EYA4: variants seen among roughly 807,000 people sequenced by gnomAD.
EYA4 encodes the protein EYA transcriptional coactivator and phosphatase 4.
EYA4 carries 31 observed loss-of-function variants against 87.9 expected under a neutral mutation model. That is an observed-to-expected ratio of 0.35 (90% CI 0.27 to 0.48). The LOEUF is 0.48. Ranked by LOEUF, EYA4 falls within the 20% of genes least tolerant of loss-of-function variation. The pLI is 0.99. For synonymous variants in EYA4, 263 were observed against 270.6 expected, an observed-to-expected ratio of 0.97 and a Z score of 0.28; for missense variants, 678 against 761.4, an observed-to-expected ratio of 0.89 and a Z score of 1.29.
chr6:133,435,053 A>C (rs1032445076), intron 3 of EYA4: 1 of 152,224 alleles, frequency 6.6e-6, no homozygotes, highest in African/African-American at 2.4e-5. Context: ...GGGACTTTTA[A>C]AAACAAAAAT....
intron 2 of EYA4, among the ~76,000 whole-genome samples, chr6:133,364,007 C>T (rs759405926): frequency 3.6e-4 from 55 of 152,328 alleles, no homozygotes; most frequent in Middle Eastern, 3.4e-3. Context: ...GCCTGCCTCA[C>T]TTATGGATCA....
chr6:133,508,648 T>C (rs1330912301), intron 14 of EYA4, among the ~76,000 whole-genome samples: 2 of 152,180 alleles, frequency 1.3e-5, no homozygotes, highest in African/African-American at 4.8e-5. Flanking sequence ...ATAAATTTGC[T>C]ACCCAACTTT....
intron 2 of EYA4, among the ~76,000 whole-genome samples, chr6:133,331,319 T>C (rs1781942090): frequency 6.6e-6 from 1 of 152,138 alleles, no homozygotes; most frequent in South Asian, 2.1e-4. Context: ...GGATAATGCA[T>C]AGTAGTGATC....
chr6:133,253,261 A>G (rs1775068244), intron 1 of EYA4, among the ~76,000 whole-genome samples: 1 of 152,098 alleles, frequency 6.6e-6, no homozygotes, highest in African/African-American at 2.4e-5. Flanking sequence ...GTTCTGCTTC[A>G]TTCATGGACA....
chr6:133,412,930 A>G (rs1789368947), intron 3 of EYA4, among the ~76,000 whole-genome samples: 1 of 152,186 alleles, frequency 6.6e-6, no homozygotes, highest in East Asian at 1.9e-4. Context: ...GACAGGGAGA[A>G]CAAGCCTGCA....
chr6:133,278,740 T>C (rs890757086), intron 2 of EYA4, among the ~76,000 whole-genome samples: 1 of 152,220 alleles, frequency 6.6e-6, no homozygotes, highest in African/African-American at 2.4e-5. Context: ...CTATTTGGCA[T>C]TCTGGCTTAG....
chr6:133,468,953 T>A (rs1255286005), intron 11 of EYA4, among the ~76,000 whole-genome samples: 4 of 152,080 alleles, frequency 2.6e-5, no homozygotes, highest in Non-Finnish European at 5.9e-5. Flanking sequence ...TAAATGATGG[T>A]GTACATATGA....
chr6:133,397,859 A>G (rs1165689889), intron 3 of EYA4, among the ~76,000 whole-genome samples: 1 of 152,196 alleles, frequency 6.6e-6, no homozygotes, highest in Non-Finnish European at 1.5e-5. Flanking sequence ...AGACTTATTC[A>G]CTATCACAAG....
intron 13 of EYA4, among the ~76,000 whole-genome samples, chr6:133,493,026 C>G (rs1441179564): frequency 2.6e-5 from 4 of 152,026 alleles, no homozygotes; most frequent in African/African-American, 9.7e-5. Context: ...TCCGTTTTAC[C>G]TGAAGCAATC....
At chr6:133,315,078 C>A (rs763169461) in intron 2 of EYA4, among the ~76,000 whole-genome samples, 1 of 152,138 alleles carries the variant, frequency 6.6e-6, no homozygotes, top group Non-Finnish European at 1.5e-5. Flanking sequence ...GAAATTCACC[C>A]GCATGGAACG....
intron 2 of EYA4, among the ~76,000 whole-genome samples, chr6:133,337,067 G>A (rs746931320): frequency 2.6e-5 from 4 of 152,200 alleles, no homozygotes; most frequent in Non-Finnish European, 5.9e-5. Flanking sequence ...TCCAGGTTCT[G>A]AATACATGCT....
rs117278899 is a variant in EYA4 at position 133,447,015 on chromosome 6, A to G, written c.208+261A>G. ...GCCTTGAACAAGGCTTTCTTTTTGT[A>G]TTTGCCCTTGTAAATATTCCACAAA... On this transcript the variant is annotated intron_variant, in intron 4 of 19. Coordinates refer to ENST00000355286, the MANE Select transcript of EYA4 (RefSeq NM_004100.5). Among the ~76,000 whole-genome samples, 4,201 of 152,222 alleles carry G rather than the reference A, an allele frequency of 0.028. 96 individuals carry two copies. Among genetic ancestry groups the G allele is most frequent in the Middle Eastern group, 0.048 (14 of 294 alleles).
chr6:133,386,322 C>T (rs1786744129), intron 3 of EYA4, among the ~76,000 whole-genome samples: 1 of 152,080 alleles, frequency 6.6e-6, no homozygotes. Context: ...TAATAAATAG[C>T]TCCTGGACAA....
intron 13 of EYA4, chr6:133,502,390 A>G (rs979743824): frequency 6.6e-6 from 1 of 152,238 alleles, no homozygotes; most frequent in African/African-American, 2.4e-5. Context: ...TAAGGTGCCC[A>G]TAATTCTACA....
At chr6:133,297,611 C>T (rs1231661858) in intron 2 of EYA4, among the ~76,000 whole-genome samples, 4 of 152,332 alleles carry the variant, frequency 2.6e-5, no homozygotes, top group South Asian at 4.1e-4. Flanking sequence ...TCAGGGCAAA[C>T]ACAGCCTGTG....
At chr6:133,423,586 T>C (rs1025947872) in intron 3 of EYA4, among the ~76,000 whole-genome samples, 10 of 152,244 alleles carry the variant, frequency 6.6e-5, no homozygotes, top group African/African-American at 2.2e-4. Context: ...TTTTTATAAC[T>C]TTTATAATTT....
chr6:133,431,698 T>C (rs1356901277), intron 3 of EYA4, among the ~76,000 whole-genome samples: 1 of 152,234 alleles, frequency 6.6e-6, no homozygotes, highest in African/African-American at 2.4e-5. Flanking sequence ...TATAACATTC[T>C]GTTGTAAAGA....
chr6:133,437,452 C>T (rs1296483127), intron 3 of EYA4, among the ~76,000 whole-genome samples: 5 of 152,226 alleles, frequency 3.3e-5, no homozygotes, highest in Admixed American at 2.6e-4. Context: ...TGTATCCTCT[C>T]TGAGCCTCAA....
chr6:133,453,824 T>C (rs998563772), intron 5 of EYA4, among the ~76,000 whole-genome samples: 1 of 152,138 alleles, frequency 6.6e-6, no homozygotes, highest in African/African-American at 2.4e-5. Context: ...TGCTTGTTAC[T>C]CCTCTCTTCA....
Sources: allele counts gnomAD v4.1 joint callset (sites outside exome capture counted in the v4.1 genomes callset), GRCh38; gene constraint gnomAD v4.1.1; transcripts MANE v1.5; gene names NCBI Gene and HGNC (gene_info 2026-07-23, HGNC 2026-07-21).